The following TMEFF1 variants were observed in gnomAD, a reference collection of about 807,000 sequenced individuals.
The protein encoded by TMEFF1 is tomoregulin-1.
Under a neutral mutation model 47.5 loss-of-function variants are expected in TMEFF1, and 20 were observed. The ratio of observed to expected loss-of-function variants is 0.42; its 90% CI spans 0.30 to 0.61. TMEFF1 has a LOEUF of 0.61. TMEFF1 is among the 20% of genes least tolerant of loss of function. The pLI, the probability that TMEFF1 is intolerant of heterozygous loss-of-function variation, is 0.19. For missense variants in TMEFF1, 411 were observed against 471.1 expected, an observed-to-expected ratio of 0.87 and a Z score of 1.18; for synonymous variants, 162 against 166.3, an observed-to-expected ratio of 0.97 and a Z score of 0.20.
intron 5 of TMEFF1, among the ~76,000 whole-genome samples, chr9:100,520,538 A>G (rs1838143230): frequency 6.6e-6 from 1 of 152,220 alleles, no homozygotes; most frequent in South Asian, 2.1e-4. Flanking sequence ...ATTTTCTGCT[A>G]TTAAGAGAAG....
Position 100,546,429 on chromosome 9 carries a change from TC to T in TMEFF1, c.561-1306del, listed in dbSNP as rs200756105. Among the ~76,000 whole-genome samples the T allele has an allele frequency of 6.0e-4, 85 of 141,960 alleles. 1 individual carries two copies. The highest frequency in any genetic ancestry group is 3.7e-4 in the African/African-American group (14 of 37,906). 93.1% of individuals were successfully genotyped at this position (141,960 alleles called of 152,430 possible). A position where few individuals can be genotyped will look rare whatever the true frequency, so the allele number is the denominator to read the frequency against. Reference sequence around the variant, plus strand: ...GGAAAGACCTTCCCCCATAATTCAATCCCCCCCCCACCAGGTTCCTCCCACA... The same window carrying T: ...GGAAAGACCTTCCCCCATAATTCAATCCCCCCCCACCAGGTTCCTCCCACA... On this transcript the variant is annotated intron_variant, in intron 5 of 9. Transcript: ENST00000374879.
chr9:100,556,828 C>G (rs555385675), intron 7 of TMEFF1, among the ~76,000 whole-genome samples: 296 of 152,218 alleles, frequency 1.9e-3, no homozygotes, highest in Admixed American at 5.1e-3. Context: ...CTTGTTGCCA[C>G]AAGTTTGGAT....
chr9:100,538,990 C>A (rs1298152739), intron 5 of TMEFF1, among the ~76,000 whole-genome samples: 1 of 152,166 alleles, frequency 6.6e-6, no homozygotes, highest in African/African-American at 2.4e-5. Context: ...TCGCAACCTC[C>A]ACCTCCCAGG....
chr9:100,483,005 A>G (rs1290464500), intron 1 of TMEFF1, among the ~76,000 whole-genome samples: 1 of 151,858 alleles, frequency 6.6e-6, no homozygotes, highest in Non-Finnish European at 1.5e-5. Context: ...TTATCCCTTA[A>G]ACTTTCCCTT....
rs114334435 is a variant in TMEFF1, at chr9:100,539,872, T to A, written c.561-7872T>A. ...CTGATTGGTCCATTTTACATAGCAC[T>A]GATTGGTCCGTTTTGACAGAGTGCT... On this transcript the variant is annotated intron_variant, in intron 5 of 9. Coordinates refer to ENST00000374879, the MANE Select transcript of TMEFF1 (RefSeq NM_003692.5). Among the ~76,000 whole-genome samples the A allele has an allele frequency of 6.5e-3, 988 of 152,312 alleles. 7 individuals are homozygous for A. Among genetic ancestry groups the A allele is most frequent in the African/African-American group, 0.023 (951 of 41,570 alleles).
chr9:100,526,460 T>G (rs891279653), intron 5 of TMEFF1, among the ~76,000 whole-genome samples: 1 of 151,570 alleles, frequency 6.6e-6, no homozygotes, highest in Admixed American at 6.6e-5. Context: ...CTGTTTTAAG[T>G]TTTTTTTGCT....
At chr9:100,549,267 A>G (rs1420127716) in intron 6 of TMEFF1, among the ~76,000 whole-genome samples, 1 of 152,144 alleles carries the variant, frequency 6.6e-6, no homozygotes, top group Non-Finnish European at 1.5e-5. Context: ...AGAGAGAACA[A>G]AGGGAGGTGT....
chr9:100,537,242 G>A (rs1429498884), intron 5 of TMEFF1, among the ~76,000 whole-genome samples: 1 of 152,192 alleles, frequency 6.6e-6, no homozygotes, highest in Non-Finnish European at 1.5e-5. Flanking sequence ...GAACAGTTAA[G>A]GTAATAGCTT....
intron 5 of TMEFF1, among the ~76,000 whole-genome samples, chr9:100,544,731 A>T (rs1838699901): frequency 6.6e-6 from 1 of 152,274 alleles, no homozygotes; most frequent in South Asian, 2.1e-4. Context: ...AGACAAGGCA[A>T]GTCCTTTCTG....
intron 1 of TMEFF1, among the ~76,000 whole-genome samples, chr9:100,476,699 GT>G (rs60623249): frequency 9.1e-4 from 105 of 115,798 alleles, no homozygotes; most frequent in East Asian, 1.9e-3. Flanking sequence ...GGCCTATTTC[GT>G]TTTTTTTTTT....
At chr9:100,575,200 C>T (rs143545710) in intron 9 of TMEFF1, among the ~76,000 whole-genome samples, 100 of 152,260 alleles carry the variant, frequency 6.6e-4, no homozygotes, top group African/African-American at 2.3e-3. Context: ...TATACCGTGG[C>T]GGCTGTCACA....
chr9:100,536,010 T>C (rs896008628), intron 5 of TMEFF1, among the ~76,000 whole-genome samples: 76 of 152,224 alleles, frequency 5.0e-4, no homozygotes, highest in Non-Finnish European at 2.8e-4. Flanking sequence ...TTTAATATAG[T>C]AATTTGGAAT....
rs1487213771 is a variant in TMEFF1 at position 100,557,446 on chromosome 9, A to G, written c.776-3951A>G. On this transcript the variant is annotated intron_variant, in intron 7 of 9. Coordinates refer to ENST00000374879, the MANE Select transcript of TMEFF1 (RefSeq NM_003692.5). Reference sequence around the variant, plus strand: ...CACCTAGAATTCAAATTTTTCCATAATCTAGTTTTAGCCTACTTTTCCAAC... The same window carrying G: ...CACCTAGAATTCAAATTTTTCCATAGTCTAGTTTTAGCCTACTTTTCCAAC... Among the ~76,000 whole-genome samples, 3 of 152,088 alleles carry G rather than the reference A, an allele frequency of 2.0e-5. No homozygotes were observed. The East Asian group carries it at 5.8e-4, about 29-fold the overall frequency.
At chr9:100,526,955 CAAAAA>C (rs55736750) in intron 5 of TMEFF1, among the ~76,000 whole-genome samples, 9 of 38,978 alleles carry the variant, frequency 2.3e-4, no homozygotes, top group African/African-American at 5.4e-4. Context: ...GCTAAAAATA[CAAAAA>C]AAAAAAAAAA....
At chr9:100,542,098 T>C (rs1838644756) in intron 5 of TMEFF1, among the ~76,000 whole-genome samples, 1 of 152,162 alleles carries the variant, frequency 6.6e-6, no homozygotes, top group Non-Finnish European at 1.5e-5. Context: ...CCTTTTTCTT[T>C]TTCCTTTCTT....
At chr9:100,547,434 G>A (rs995399248) in intron 5 of TMEFF1, among the ~76,000 whole-genome samples, 1 of 152,104 alleles carries the variant, frequency 6.6e-6, no homozygotes, top group Non-Finnish European at 1.5e-5. Flanking sequence ...TCATAATTCT[G>A]TGTCCTTTAC....
rs112191707 is a variant in TMEFF1, at chr9:100,474,332, C to T, written c.196+592C>T. On this transcript the variant is annotated intron_variant, in intron 1 of 9. Coordinates refer to ENST00000374879, the MANE Select transcript of TMEFF1 (RefSeq NM_003692.5). ...GCGATGCAGAGTGACTGTGTGTGTG[C>T]GCGCGCGCGCGCGTGTGTGTTCTTT... Among the ~76,000 whole-genome samples, 368 of 149,740 alleles carry T rather than the reference C, an allele frequency of 2.5e-3. 1 individual carries two copies. Among genetic ancestry groups the T allele is most frequent in the South Asian group, 0.018 (82 of 4,666 alleles).
chr9:100,519,562 CTCTT>C (rs1838126293), intron 5 of TMEFF1, among the ~76,000 whole-genome samples: 1 of 150,950 alleles, frequency 6.6e-6, no homozygotes, highest in Non-Finnish European at 1.5e-5. Context: ...TACCATCTGC[CTCTT>C]TCTAATTTTC....
intron 1 of TMEFF1, among the ~76,000 whole-genome samples, chr9:100,491,116 T>C (rs1428228068): frequency 1.3e-5 from 2 of 152,176 alleles, no homozygotes; most frequent in Non-Finnish European, 2.9e-5. Flanking sequence ...TTAAATAGCT[T>C]TATAATATTC....
Sources: allele counts gnomAD v4.1 joint callset (sites outside exome capture counted in the v4.1 genomes callset), GRCh38; gene constraint gnomAD v4.1.1; transcripts MANE v1.5; gene names NCBI Gene and HGNC (gene_info 2026-07-23, HGNC 2026-07-21).